Variants in PHACTR3 observed in about 807,000 individuals in gnomAD.
PHACTR3 encodes protein phosphatase 1, regulatory subunit 123.
PHACTR3 carries 16 observed loss-of-function variants against 66.8 expected under a neutral mutation model. The observed-to-expected ratio is 0.24, with a 90% CI of 0.16 to 0.36. The LOEUF is 0.36. PHACTR3 is among the 10% of genes least tolerant of loss of function. PHACTR3 has a pLI of 1.00. For synonymous variants in PHACTR3, 323 were observed against 292.1 expected (o/e 1.11, Z -1.08); for missense variants, 647 against 719.9 (o/e 0.90, Z 1.16).
At chr20:59,723,855 G>C (rs531804262) in intron 1 of PHACTR3, among the ~76,000 whole-genome samples, 10 of 152,122 alleles carry the variant, frequency 6.6e-5, no homozygotes, top group African/African-American at 2.2e-4. Flanking sequence ...GAGTAGAATG[G>C]TTACATGGCG....
chr20:59,831,809 C>T (rs1036256429), intron 8 of PHACTR3, among the ~76,000 whole-genome samples: 2 of 152,208 alleles, frequency 1.3e-5, no homozygotes, highest in African/African-American at 2.4e-5. Context: ...AACCGGCGCC[C>T]ATTCCTTTGC....
intron 7 of PHACTR3, among the ~76,000 whole-genome samples, chr20:59,776,472 T>A (rs1234101155): frequency 1.3e-5 from 2 of 152,124 alleles, no homozygotes; most frequent in Non-Finnish European, 2.9e-5. Context: ...AGGGTGCACC[T>A]CGGAGAGCAC....
intron 2 of PHACTR3, 26 bp from the exon 3 acceptor site, chr20:59,747,732 C>T (rs192436415): frequency 1.9e-6 from 3 of 1,611,250 alleles, no homozygotes; most frequent in Non-Finnish European, 1.7e-6. Context: ...GCCTGAGACT[C>T]ACCTGTGTGT....
At chr20:59,612,627 G>A (rs1568933461) in intron 1 of PHACTR3, among the ~76,000 whole-genome samples, 1 of 152,060 alleles carries the variant, frequency 6.6e-6, no homozygotes, top group Non-Finnish European at 1.5e-5. Context: ...CTTGTGATCC[G>A]CCCACTTTGG....
intron 5 of PHACTR3, among the ~76,000 whole-genome samples, chr20:59,771,289 C>T (rs891809448): frequency 2.6e-5 from 4 of 152,208 alleles, no homozygotes; most frequent in African/African-American, 4.8e-5. Context: ...GGGGATGCTG[C>T]GTGTCACCTG....
intron 1 of PHACTR3, among the ~76,000 whole-genome samples, chr20:59,590,651 C>T (rs1370780343): frequency 2.0e-5 from 3 of 152,208 alleles, no homozygotes; most frequent in Admixed American, 2.0e-4. Context: ...CTACTGGTTC[C>T]TGTCTTAGAC....
Position 59,605,060 on chromosome 20 carries a change from C to G in PHACTR3, c.46C>G (p.Arg16Gly). The change falls in exon 1 of 13, where the codon CGC (arginine) becomes GGC (glycine). Residue 16 changes from arginine to glycine, a missense_variant. Transcript: ENST00000371015. ...GAGCGGCTGCCTCGTGTCGCGGGGC[C>G]GCTCGCAGAGTGACCCCAGCGTCCT... ...DGSGCLVSRG[R>G]SQSDPSVLTD... 2 of 1,402,884 alleles carry G rather than the reference C, an allele frequency of 1.4e-6. No individual in the cohort carries two copies. Among genetic ancestry groups the G allele is most frequent in the Non-Finnish European group, 9.3e-7 (1 of 1,071,342 alleles). 86.9% of individuals were successfully genotyped at this position (1,402,884 alleles called of 1,614,324 possible).
intron 1 of PHACTR3, among the ~76,000 whole-genome samples, chr20:59,621,205 G>T (rs1485051428): frequency 6.6e-6 from 1 of 152,236 alleles, no homozygotes; most frequent in Non-Finnish European, 1.5e-5. Flanking sequence ...GGGCTCCCAT[G>T]CCTGCTTCCG....
At chr20:59,593,913 T>G (rs1019697177) in intron 1 of PHACTR3, among the ~76,000 whole-genome samples, 4 of 152,238 alleles carry the variant, frequency 2.6e-5, no homozygotes, top group African/African-American at 9.6e-5. Context: ...AGCTTTATAG[T>G]AAGTCTTAAA....
chr20:59,847,305 C>T lies in PHACTR3; in HGVS notation c.*175C>T, dbSNP rs1254611229. The T allele has an allele frequency of 2.5e-5, 12 of 480,210 alleles. No individual in the cohort carries two copies. The highest frequency in any genetic ancestry group is 4.6e-5 in the Non-Finnish European group (12 of 260,406). 29.7% of individuals were successfully genotyped at this position (480,210 alleles called of 1,614,324 possible). A position where few individuals can be genotyped will look rare whatever the true frequency, so the allele number is the denominator to read the frequency against. ...CACACTTACCTGCAAGAGGAGTAAC[C>T]AGAGGACACACTTCCTTCCTTCTTT... On this transcript the variant is annotated 3_prime_UTR_variant, in exon 13 of 13. Transcript: ENST00000371015.
chr20:59,724,951 C>A (rs541743760), intron 1 of PHACTR3, among the ~76,000 whole-genome samples: 2 of 149,554 alleles, frequency 1.3e-5, no homozygotes, highest in Non-Finnish European at 1.5e-5. Flanking sequence ...AAGCTGTGAG[C>A]CTAGGTGTGC....
At position 59,788,436 on chromosome 20, in the gene PHACTR3, T is replaced by A. The variant is rs1328631748; in HGVS notation, c.1174+13946T>A. On this transcript the variant is annotated intron_variant, in intron 7 of 12. Coordinates refer to ENST00000371015, the MANE Select transcript of PHACTR3 (RefSeq NM_080672.5). Reference sequence around the variant, plus strand: ...CCCTCCTCCCCCATTGTTGGCTCCCTCCTCTCATTAACCTCCAACCCTGCT... The same window carrying A: ...CCCTCCTCCCCCATTGTTGGCTCCCACCTCTCATTAACCTCCAACCCTGCT... Among the ~76,000 whole-genome samples the A allele has an allele frequency of 4.6e-5, 7 of 151,850 alleles. No individual in the cohort carries two copies. In the East Asian group the frequency reaches 1.4e-3, roughly 30 times the overall value.
Position 59,604,793 on chromosome 20 carries a change from G to A in PHACTR3, c.-222G>A. The A allele has an allele frequency of 1.7e-6, 2 of 1,199,168 alleles. No homozygotes were observed. The highest frequency in any genetic ancestry group is 2.1e-6 in the Non-Finnish European group (2 of 969,658). The allele number at this position is 1,199,168 out of a possible 1,614,324, so 74.3% of individuals were successfully genotyped here. A position where few individuals can be genotyped will look rare whatever the true frequency, so the allele number is the denominator to read the frequency against. ...AGCGAGGCCGCGCACGCCGGGATGCGCCTGGCTGCAGCCGGCGAGGCTATT... is the reference window on the plus strand; with the variant it reads ...AGCGAGGCCGCGCACGCCGGGATGCACCTGGCTGCAGCCGGCGAGGCTATT... On this transcript the variant is annotated 5_prime_UTR_variant, in exon 1 of 13. Transcript: ENST00000371015.
rs528889634 is a variant in PHACTR3 at position 59,807,514 on chromosome 20, G to A, written c.1328+1320G>A. 5.9e-5 allele frequency among the ~76,000 whole-genome samples: 9 copies of A among 152,254 alleles called. No homozygotes were observed. In the South Asian group the frequency reaches 1.9e-3, roughly 32 times the overall value. On this transcript the variant is annotated intron_variant, in intron 8 of 12. Transcript: ENST00000371015. ...TTTACAGTTAACTTTTTTTTAATAA[G>A]TAGGAGTACACTCTAAAATAATCAT...
chr20:59,665,921 C>T (rs577866597), intron 1 of PHACTR3, among the ~76,000 whole-genome samples: 33 of 152,282 alleles, frequency 2.2e-4, no homozygotes, highest in Admixed American at 7.8e-4. Context: ...CAAGAGTCCC[C>T]TCCGTGGGCA....
At chr20:59,755,634 C>A (rs576692209) in intron 4 of PHACTR3, among the ~76,000 whole-genome samples, 100 of 152,316 alleles carry the variant, frequency 6.6e-4, no homozygotes, top group African/African-American at 1.6e-3. Context: ...ACCTACCCCC[C>A]CTCCCAGGGC....
At position 59,828,456 on chromosome 20, in the gene PHACTR3, T is replaced by TA. The variant is rs1396555760; in HGVS notation, c.1329-8045dup. On this transcript the variant is annotated intron_variant, in intron 8 of 12. Coordinates refer to ENST00000371015, the MANE Select transcript of PHACTR3 (RefSeq NM_080672.5). Reference sequence around the variant, plus strand: ...CCTATCGGAATATGTGTTATTTGATTAAAACTTAATTTCCTTTTTCCTCCT... The same window carrying TA: ...CCTATCGGAATATGTGTTATTTGATTAAAAACTTAATTTCCTTTTTCCTCCT... 3.9e-5 allele frequency among the ~76,000 whole-genome samples: 6 copies of TA among 152,344 alleles called. No homozygotes were observed. In the South Asian group the frequency reaches 1.0e-3, roughly 26 times the overall value.
intron 7 of PHACTR3, among the ~76,000 whole-genome samples, chr20:59,782,719 C>G (rs2040764779): frequency 6.6e-6 from 1 of 152,190 alleles, no homozygotes; most frequent in South Asian, 2.1e-4. Context: ...GGGGAAACCA[C>G]CCCCATGATT....
chr20:59,843,349 C>G (rs1345087338), intron 11 of PHACTR3: 1 of 151,994 alleles, frequency 6.6e-6, no homozygotes, highest in Non-Finnish European at 1.5e-5. Flanking sequence ...TAAAAGCCAT[C>G]CTAAAATTCA....
Sources: gnomAD v4.1 joint callset for allele counts (sites outside exome capture counted in the v4.1 genomes callset) on GRCh38, gnomAD v4.1.1 for gene constraint, MANE v1.5 for transcripts, NCBI Gene and HGNC (gene_info 2026-07-23, HGNC 2026-07-21) for gene names.